FRRS1: variants seen among roughly 807,000 people sequenced by gnomAD.
FRRS1 encodes ferric reductase 1.
A neutral mutation model predicts 70.7 loss-of-function variants in FRRS1; 51 were observed. That is an observed-to-expected ratio of 0.72 (90% CI 0.58 to 0.91). FRRS1 has a LOEUF of 0.91. Ranked by LOEUF, FRRS1 falls within the 40% of genes least tolerant of loss-of-function variation. FRRS1 has a pLI of 0.00. For missense variants in FRRS1, 672 were observed against 726.0 expected (o/e 0.93, Z 0.86); for synonymous variants, 225 against 238.7 (o/e 0.94, Z 0.53).
chr1:99,720,758 A>G (rs929851366), intron 9 of FRRS1, among the ~76,000 whole-genome samples: 2 of 152,032 alleles, frequency 1.3e-5, no homozygotes, highest in African/African-American at 4.8e-5. Flanking sequence ...CAATAAAGAT[A>G]CTTCATAACA....
intron 7 of FRRS1, among the ~76,000 whole-genome samples, chr1:99,737,451 A>G (rs1655728599): frequency 6.6e-6 from 1 of 152,236 alleles, no homozygotes; most frequent in African/African-American, 2.4e-5. Context: ...TGGTTTGAAA[A>G]GCATTACAAA....
intron 12 of FRRS1, among the ~76,000 whole-genome samples, chr1:99,714,444 A>C (rs1475451500): frequency 6.6e-6 from 1 of 152,148 alleles, no homozygotes; most frequent in Non-Finnish European, 1.5e-5. Flanking sequence ...GGCCTCCCAA[A>C]GTGCTGGGAT....
intron 5 of FRRS1, among the ~76,000 whole-genome samples, chr1:99,741,508 C>G (rs1450025584): frequency 6.6e-6 from 1 of 152,226 alleles, no homozygotes; most frequent in Non-Finnish European, 1.5e-5. Flanking sequence ...GTCCATATCA[C>G]CCCTCAGGAA....
At chr1:99,750,774 G>C (rs752628167) in intron 1 of FRRS1, among the ~76,000 whole-genome samples, 26 of 151,882 alleles carry the variant, frequency 1.7e-4, no homozygotes, top group Non-Finnish European at 3.7e-4. Context: ...GGAGAAGAGG[G>C]AAGGAAACAG....
chr1:99,763,140 C>T (rs1041300522), intron 1 of FRRS1, among the ~76,000 whole-genome samples: 2 of 152,168 alleles, frequency 1.3e-5, no homozygotes, highest in Admixed American at 6.5e-5. Flanking sequence ...CTTTTCTACA[C>T]AACCAAAATT....
intron 4 of FRRS1, among the ~76,000 whole-genome samples, chr1:99,745,922 ATG>A (rs1190862227): frequency 1.3e-5 from 2 of 152,086 alleles, no homozygotes; most frequent in Non-Finnish European, 1.5e-5. Context: ...TGCTTTCACC[ATG>A]TGAAGTGTCT....
chr1:99,715,870 T>C (rs72956497), intron 11 of FRRS1, among the ~76,000 whole-genome samples, 198 bp from the exon 12 acceptor site: 17,045 of 151,968 alleles, frequency 0.11, 1,862 homozygotes, highest in African/African-American at 0.29. Flanking sequence ...AAAGAAAACC[T>C]TAAGCTGCCA....
intron 1 of FRRS1, among the ~76,000 whole-genome samples, chr1:99,752,529 G>A (rs1371420140): frequency 6.6e-6 from 1 of 152,154 alleles, no homozygotes; most frequent in East Asian, 1.9e-4. Flanking sequence ...TTATACGGGT[G>A]CAGTTTGTGT....
At chr1:99,718,318 T>C (rs754831883) in intron 10 of FRRS1, among the ~76,000 whole-genome samples, 2 of 151,784 alleles carry the variant, frequency 1.3e-5, no homozygotes, top group Non-Finnish European at 1.5e-5. Context: ...ATATTAAGAG[T>C]CTTGGGTGTT....
chr1:99,718,022 A>T (rs1422336264), intron 10 of FRRS1, among the ~76,000 whole-genome samples: 1 of 152,246 alleles, frequency 6.6e-6, no homozygotes, highest in Non-Finnish European at 1.5e-5. Flanking sequence ...TTCTGAATCC[A>T]ATTACTACCA....
chr1:99,730,118 T>G (rs1655279123), intron 7 of FRRS1, among the ~76,000 whole-genome samples: 1 of 152,174 alleles, frequency 6.6e-6, no homozygotes, highest in Admixed American at 6.5e-5. Context: ...AATATAGAGT[T>G]CTGTTACCTT....
At chr1:99,725,913 T>C (rs1477788633) in intron 9 of FRRS1, among the ~76,000 whole-genome samples, 1 of 152,250 alleles carries the variant, frequency 6.6e-6, no homozygotes, top group Admixed American at 6.5e-5. Flanking sequence ...CTTTAAAAAG[T>C]ATAAACCATT....
At position 99,719,349 on chromosome 1, in the gene FRRS1, C is replaced by A. The variant is rs189194590; in HGVS notation, c.1120+185G>T. ...GTGTGAACCCGGGAGGTGGAGCTTG[C>A]AGTGAGCTGAGATCGTGCCACTGCA... On this transcript the variant is annotated intron_variant, in intron 10 of 16. Transcript: ENST00000646001. Among the ~76,000 whole-genome samples the A allele has an allele frequency of 4.8e-3, 674 of 140,428 alleles. 3 individuals are homozygous for A. The Middle Eastern group carries it at 0.07, about 15-fold the overall frequency. The allele number at this position is 140,428 out of a possible 152,430, so 92.1% of individuals were successfully genotyped here.
At chr1:99,725,611 C>G (rs1037660106) in intron 9 of FRRS1, among the ~76,000 whole-genome samples, 1 of 152,196 alleles carries the variant, frequency 6.6e-6, no homozygotes, top group Admixed American at 6.5e-5. Flanking sequence ...AGAAACACCA[C>G]AGAGGAGCCA....
intron 1 of FRRS1, among the ~76,000 whole-genome samples, chr1:99,761,468 G>C (rs532057795): frequency 6.6e-6 from 1 of 152,002 alleles, no homozygotes; most frequent in East Asian, 1.9e-4. Context: ...AAAAATGATT[G>C]GAAACAAATA....
In FRRS1 at chr1:99,732,010, T is replaced by C. The variant is rs116343496; in HGVS notation, c.760-2262A>G. ...TGCATGTTTTCTATAATATCCATCA[T>C]GAATGAGACATAGAAATTCTTTTGT... On this transcript the variant is annotated intron_variant, in intron 7 of 16. Transcript: ENST00000646001. 4.5e-3 allele frequency among the ~76,000 whole-genome samples: 688 copies of C among 152,250 alleles called. 2 individuals carry two copies. Among genetic ancestry groups the C allele is most frequent in the African/African-American group, 0.016 (649 of 41,548 alleles).
At position 99,727,948 on chromosome 1, in the gene FRRS1, T is replaced by A. The variant is rs150795572; in HGVS notation, c.1006+545A>T. ...GTAGAAAGATGTGAGACAGGAAACA[T>A]ACCACACCAGCAAGGCAGTGTGAGG... On this transcript the variant is annotated intron_variant, in intron 9 of 16. Transcript: ENST00000646001. 1.7e-3 allele frequency among the ~76,000 whole-genome samples: 264 copies of A among 152,338 alleles called. 1 individual carries two copies. The highest frequency in any genetic ancestry group is 6.1e-3 in the African/African-American group (252 of 41,582).
chr1:99,740,264 T>C (rs989109436), intron 6 of FRRS1, among the ~76,000 whole-genome samples: 3 of 152,182 alleles, frequency 2.0e-5, no homozygotes, highest in African/African-American at 7.2e-5. Context: ...AATGAAAACA[T>C]ATCCACCACC....
At chr1:99,724,381 A>G (rs1654980392) in intron 9 of FRRS1, among the ~76,000 whole-genome samples, 1 of 152,226 alleles carries the variant, frequency 6.6e-6, no homozygotes, top group African/African-American at 2.4e-5. Flanking sequence ...TACCCAAGTG[A>G]TTTCTATCTT....
Sources: gnomAD v4.1 joint callset for allele counts (sites outside exome capture counted in the v4.1 genomes callset) on GRCh38, gnomAD v4.1.1 for gene constraint, MANE v1.5 for transcripts, NCBI Gene and HGNC (gene_info 2026-07-23, HGNC 2026-07-21) for gene names.